Variants in PACRG observed in about 807,000 individuals in gnomAD.
PACRG encodes parkin coregulated gene protein.
PACRG carries 29 observed loss-of-function variants against 29.7 expected under a neutral mutation model. The observed-to-expected ratio is 0.98, with a 90% CI of 0.73 to 1.33. The LOEUF is 1.33. Ranked by LOEUF, PACRG falls within the 40% of genes most tolerant of loss-of-function variation. The pLI, the probability that PACRG is intolerant of heterozygous loss-of-function variation, is 0.00. For missense variants in PACRG, 279 were observed against 316.2 expected (o/e 0.88, Z 0.89); for synonymous variants, 116 against 118.7 (o/e 0.98, Z 0.15).
intron 2 of PACRG, among the ~76,000 whole-genome samples, chr6:162,826,785 A>G (rs1442570023): frequency 6.6e-6 from 1 of 152,122 alleles, no homozygotes; most frequent in Non-Finnish European, 1.5e-5. Context: ...GTCATACTGT[A>G]AAATTAAGGT....
intron 2 of PACRG, among the ~76,000 whole-genome samples, chr6:163,050,710 T>G (rs1189194504): frequency 6.6e-6 from 1 of 152,198 alleles, no homozygotes; most frequent in Non-Finnish European, 1.5e-5. Context: ...GTTGAACATT[T>G]TTTACCCTTT....
rs1781138405 is a variant in PACRG at position 162,747,404 on chromosome 6, A to ATATG, written c.156+19016_156+19017insGTAT. ...TGTATATATATGTATATATATATGTATATATATATATAACTATAAATATAT... is the reference window on the plus strand; with the variant it reads ...TGTATATATATGTATATATATATGTATATGTATATATATATAACTATAAATATAT... On this transcript the variant is annotated intron_variant, in intron 1 of 4. Coordinates refer to ENST00000366888, the MANE Select transcript of PACRG (RefSeq NM_001080379.2). Among the ~76,000 whole-genome samples the ATATG allele has an allele frequency of 2.6e-4, 5 of 19,540 alleles. 1 individual carries two copies. Among genetic ancestry groups the ATATG allele is most frequent in the South Asian group, 7.8e-3 (2 of 258 alleles). 12.8% of individuals were successfully genotyped at this position (19,540 alleles called of 152,430 possible). A position where few individuals can be genotyped will look rare whatever the true frequency, so the allele number is the denominator to read the frequency against.
At chr6:162,868,296 A>G (rs553326144) in intron 2 of PACRG, among the ~76,000 whole-genome samples, 3 of 152,086 alleles carry the variant, frequency 2.0e-5, no homozygotes, top group Non-Finnish European at 4.4e-5. Flanking sequence ...TTTCCCCGCT[A>G]TTACTAGAGC....
intron 2 of PACRG, among the ~76,000 whole-genome samples, chr6:162,933,601 C>CTTTTTT (rs71008119): frequency 3.3e-3 from 244 of 74,466 alleles, no homozygotes; most frequent in East Asian, 8.3e-3. Flanking sequence ...CTTTCTGTAT[C>CTTTTTT]TTTTTTTTTT....
chr6:162,917,439 T>G (rs1431055028), intron 2 of PACRG, among the ~76,000 whole-genome samples: 2 of 152,162 alleles, frequency 1.3e-5, no homozygotes, highest in Non-Finnish European at 2.9e-5. Flanking sequence ...CAACACCTTC[T>G]GCAGGAAGTA....
chr6:163,289,917 G>A (rs1773274483), intron 4 of PACRG, among the ~76,000 whole-genome samples: 2 of 151,598 alleles, frequency 1.3e-5, no homozygotes, highest in Non-Finnish European at 2.9e-5. Flanking sequence ...GTGCCATCTC[G>A]GCTCACCGCA....
At chr6:163,300,440 C>T (rs906908228) in intron 4 of PACRG, among the ~76,000 whole-genome samples, 1 of 147,072 alleles carries the variant, frequency 6.8e-6, no homozygotes, top group Middle Eastern at 3.4e-3. Context: ...GGGATTTTCG[C>T]CTCAGTAGAG....
chr6:162,733,107 G>A (rs1779899198), intron 1 of PACRG, among the ~76,000 whole-genome samples: 1 of 152,178 alleles, frequency 6.6e-6, no homozygotes, highest in East Asian at 1.9e-4. Flanking sequence ...TATGTGCAAA[G>A]CACTGTTTTA....
At position 162,789,992 on chromosome 6, in the gene PACRG, C is replaced by G. The variant is rs145199713; in HGVS notation, c.157-24155C>G. 7.0e-4 allele frequency among the ~76,000 whole-genome samples: 107 copies of G among 152,176 alleles called. No individual in the cohort carries two copies. The East Asian group carries it at 0.011, about 16-fold the overall frequency. Reference sequence around the variant, plus strand: ...TTTAGCACTATTGGTTTACCATTTCCAAGTACTGATTTTAGAACTAGATCT... The same window carrying G: ...TTTAGCACTATTGGTTTACCATTTCGAAGTACTGATTTTAGAACTAGATCT... On this transcript the variant is annotated intron_variant, in intron 1 of 4. Coordinates refer to ENST00000366888, the MANE Select transcript of PACRG (RefSeq NM_001080379.2).
At chr6:162,804,456 C>T (rs1400666188) in intron 1 of PACRG, among the ~76,000 whole-genome samples, 1 of 152,112 alleles carries the variant, frequency 6.6e-6, no homozygotes, top group African/African-American at 2.4e-5. Flanking sequence ...TGGTGATTTC[C>T]AGCCGGTTAT....
intron 1 of PACRG, among the ~76,000 whole-genome samples, chr6:162,769,394 T>A (rs1007650902): frequency 7.0e-6 from 1 of 143,876 alleles, no homozygotes; most frequent in African/African-American, 2.5e-5. Context: ...ACAAACATTA[T>A]TTCTATTTTA....
chr6:163,021,747 A>G (rs1227689812), intron 2 of PACRG, among the ~76,000 whole-genome samples: 3 of 152,238 alleles, frequency 2.0e-5, no homozygotes, highest in East Asian at 3.9e-4. Flanking sequence ...CGAATTCTGC[A>G]GTTCCCCAAG....
At chr6:163,212,973 T>A (rs1022999929) in intron 4 of PACRG, among the ~76,000 whole-genome samples, 3 of 152,098 alleles carry the variant, frequency 2.0e-5, no homozygotes, top group Admixed American at 6.5e-5. Context: ...AGACATGGGG[T>A]TTCACCTTGT....
chr6:163,265,950 G>A (rs1282385583), intron 4 of PACRG, among the ~76,000 whole-genome samples: 1 of 152,150 alleles, frequency 6.6e-6, no homozygotes, highest in East Asian at 1.9e-4. Flanking sequence ...TTAAATGGAT[G>A]TTGGTGCATC....
intron 2 of PACRG, among the ~76,000 whole-genome samples, chr6:162,947,486 T>TC (rs2128127239): frequency 8.1e-6 from 1 of 123,772 alleles, no homozygotes; most frequent in African/African-American, 3.1e-5. Context: ...TATATAATCA[T>TC]ATATATACTC....
intron 4 of PACRG, among the ~76,000 whole-genome samples, chr6:163,159,582 A>G (rs1446759777): frequency 6.6e-6 from 1 of 152,138 alleles, no homozygotes; most frequent in Non-Finnish European, 1.5e-5. Context: ...TTCCTCAGCC[A>G]CTGTATTCAG....
chr6:162,958,845 TAGAGC>T (rs1267020229), intron 2 of PACRG, among the ~76,000 whole-genome samples: 11 of 123,654 alleles, frequency 8.9e-5, no homozygotes, highest in East Asian at 7.1e-4. Context: ...AGAGCATATA[TAGAGC>T]ATATATATAT....
chr6:163,140,055 C>G (rs1318187132), intron 4 of PACRG, among the ~76,000 whole-genome samples: 2 of 152,218 alleles, frequency 1.3e-5, no homozygotes, highest in East Asian at 3.9e-4. Flanking sequence ...AGGCTGGTCT[C>G]TCCCCTTGAG....
intron 2 of PACRG, among the ~76,000 whole-genome samples, chr6:163,029,199 C>T (rs901367003): frequency 5.3e-5 from 8 of 152,210 alleles, no homozygotes; most frequent in Admixed American, 2.0e-4. Context: ...GAGACACATT[C>T]TCCCCTAAAC....
Sources: allele counts gnomAD v4.1 joint callset (sites outside exome capture counted in the v4.1 genomes callset), GRCh38; gene constraint gnomAD v4.1.1; transcripts MANE v1.5; gene names NCBI Gene and HGNC (gene_info 2026-07-23, HGNC 2026-07-21).